MACF1: variants seen among roughly 807,000 people sequenced by gnomAD.
The protein encoded by MACF1 is microtubule actin crosslinking factor 1.
In MACF1, 193 loss-of-function variants were observed where a neutral mutation model predicts 854.8. The ratio of observed to expected loss-of-function variants is 0.23; its 90% confidence interval spans 0.20 to 0.25. The LOEUF (loss-of-function observed/expected upper bound fraction) is 0.25, where lower values mean the gene tolerates loss of function less well. MACF1 is among the 10% of genes least tolerant of loss of function. The pLI, the probability that MACF1 is intolerant of heterozygous loss-of-function variation, is 1.00. For missense variants in MACF1, 7,722 were observed against 8,929.1 expected (o/e 0.86, Z 5.45); for synonymous variants, 3,185 against 3,226.7 (o/e 0.99, Z 0.44).
chr1:39,323,427 T>C (rs1438482260), intron 33 of MACF1, among the ~76,000 whole-genome samples: 1 of 151,206 alleles, frequency 6.6e-6, no homozygotes, highest in Non-Finnish European at 1.5e-5. Flanking sequence ...CAGCAAAATA[T>C]ATGCTATATA....
chr1:39,249,901 C>T, intron 2 of MACF1, 113 bp from the exon 3 acceptor site: 2 of 560,022 alleles, frequency 3.6e-6, no homozygotes, highest in Non-Finnish European at 6.4e-6. Context: ...TTAATTGTTG[C>T]TTCCACTTTT....
At chr1:39,364,983 T>C (rs1222588649) in intron 49 of MACF1, among the ~76,000 whole-genome samples, 1 of 152,240 alleles carries the variant, frequency 6.6e-6, no homozygotes, top group Admixed American at 6.5e-5. Flanking sequence ...TTCTGAAGTA[T>C]GAATCATGTT....
chr1:39,485,390 A>G, intron 100 of MACF1, 148 bp from the exon 101 acceptor site: 1 of 926,174 alleles, frequency 1.1e-6, no homozygotes, highest in Non-Finnish European at 1.6e-6. Context: ...AGGCTTCAGC[A>G]ACTTCTGTAT....
chr1:39,153,776 C>CT (rs1643629252), intron 2 of MACF1, among the ~76,000 whole-genome samples: 1 of 152,160 alleles, frequency 6.6e-6, no homozygotes, highest in African/African-American at 2.4e-5. Context: ...AGCTGTGGCC[C>CT]TGGGGACAGC....
chr1:39,248,611 A>G (rs1014195347), intron 2 of MACF1, among the ~76,000 whole-genome samples: 4 of 152,234 alleles, frequency 2.6e-5, no homozygotes, highest in Admixed American at 2.6e-4. Flanking sequence ...TCAAAATTAT[A>G]GTAACTAAAA....
At chr1:39,269,416 T>C (rs1039493177) in intron 6 of MACF1, 3 of 1,289,814 alleles carry the variant, frequency 2.3e-6, no homozygotes, top group East Asian at 5.6e-5. Flanking sequence ...TCCTGGATTA[T>C]AGAATGTTCT....
At chr1:39,364,048 A>AT (rs1345128935) in intron 49 of MACF1, among the ~76,000 whole-genome samples, 24 of 152,302 alleles carry the variant, frequency 1.6e-4, no homozygotes, top group African/African-American at 5.5e-4. Context: ...GAGTTGTTGC[A>AT]TTAAAGGGTA....
chr1:39,145,396 A>G (rs916981420), intron 2 of MACF1, among the ~76,000 whole-genome samples: 2 of 152,084 alleles, frequency 1.3e-5, no homozygotes, highest in Non-Finnish European at 2.9e-5. Context: ...GGGCATATAC[A>G]TATATATTTT....
Position 39,370,122 on chromosome 1 carries a change from G to T in MACF1, c.13031G>T (p.Ser4344Ile). The change falls in exon 51 of 101, where the codon AGT becomes ATT. Residue 4344 changes from serine to isoleucine, a missense_variant. Ser to Ile is a moderately radical substitution (Grantham distance 142). Transcript: ENST00000564288. ...FQKWLKETEG[S>I]IPPTETSMSA... ...AAATGGTTGAAAGAAACTGAAGGGA[G>T]TATTCCACCTACGGAAACTTCTATG... is the stretch of plus-strand genomic sequence containing the variant. 6.2e-7 allele frequency: 1 copy of T among 1,614,082 alleles called. No individual in the cohort carries two copies. Among genetic ancestry groups the T allele is most frequent in the Non-Finnish European group, 8.5e-7 (1 of 1,179,936 alleles).
rs553166640 is a variant in MACF1 at position 39,341,166 on chromosome 1, T to C, written c.10581+213T>C. 2.8e-3 allele frequency among the ~76,000 whole-genome samples: 417 copies of C among 151,610 alleles called. 1 individual carries two copies. Among genetic ancestry groups the C allele is most frequent in the Non-Finnish European group, 4.4e-3 (299 of 67,896 alleles). ...CTCCTGCCTCAGCCTCCTGAGTAGCTGGGACTATAGGCGCCTACCTCCACG... is the reference window on the plus strand; with the variant it reads ...CTCCTGCCTCAGCCTCCTGAGTAGCCGGGACTATAGGCGCCTACCTCCACG... On this transcript the variant is annotated intron_variant, in intron 40 of 100. Transcript: ENST00000564288.
chr1:39,299,044 A>T (rs1184361411), intron 21 of MACF1, among the ~76,000 whole-genome samples: 1 of 151,328 alleles, frequency 6.6e-6, no homozygotes, highest in African/African-American at 2.4e-5. Context: ...TCTTTTCAGA[A>T]CTTTTACCAC....
At chr1:39,412,037 A>G in intron 58 of MACF1, 4 of 1,613,970 alleles carry the variant, frequency 2.5e-6, no homozygotes, top group Non-Finnish European at 2.5e-6. Context: ...CAGCCAGCTG[A>G]TCTGGATTCA....
chr1:39,225,409 G>C (rs191553477), intron 1 of MACF1, among the ~76,000 whole-genome samples: 2,460 of 151,086 alleles, frequency 0.016, 74 homozygotes, highest in African/African-American at 0.057. Context: ...GTAGAGACAG[G>C]GTTTCACCTT....
chr1:39,142,825 G>A (rs759656262), intron 2 of MACF1, among the ~76,000 whole-genome samples: 1 of 152,168 alleles, frequency 6.6e-6, no homozygotes, highest in Non-Finnish European at 1.5e-5. Flanking sequence ...ACCACCTGGA[G>A]CACCTGGAGC....
At chr1:39,456,550 G>A (rs976350315) in intron 89 of MACF1, among the ~76,000 whole-genome samples, 1 of 152,202 alleles carries the variant, frequency 6.6e-6, no homozygotes, top group Non-Finnish European at 1.5e-5. Context: ...TTGCCAGGAT[G>A]TAACTTCATC....
intron 53 of MACF1, 99 bp from the exon 54 acceptor site, chr1:39,379,104 T>C (rs1649971295): frequency 8.2e-7 from 1 of 1,216,238 alleles, no homozygotes; most frequent in Non-Finnish European, 1.1e-6. Context: ...TCTAATTCAC[T>C]AGAAGGAGTA....
In MACF1 at chr1:39,347,150, C is replaced by A. The variant is rs2761764; in HGVS notation, c.10755C>A (p.Ala3585=). ...TCCAGGACATTTTGGAACAGACTGC[C>A]GCTCAGGTGGATGCCTTGCAGGGCC... ...RSFQDILEQT[A]AQVDALQGHL... Residue 3585 remains alanine (A), a synonymous_variant, in exon 41 of 101, where the codon GCC becomes GCA. Transcript: ENST00000564288. The A allele has an allele frequency of 0.99, 1,597,169 of 1,614,146 alleles. 790,610 individuals are homozygous for A. Among genetic ancestry groups the A allele is most frequent in the Non-Finnish European group, 1 (1,176,037 of 1,180,046 alleles).
At chr1:39,392,862 C>A (rs2148577757) in intron 58 of MACF1, among the ~76,000 whole-genome samples, 1 of 152,236 alleles carries the variant, frequency 6.6e-6, no homozygotes, top group Non-Finnish European at 1.5e-5. Flanking sequence ...GAAGAGAGTT[C>A]CTTTCCACTC....
At chr1:39,324,818 A>G in intron 35 of MACF1, 84 bp downstream of exon 35, 1 of 1,071,290 alleles carries the variant, frequency 9.3e-7, no homozygotes, top group Non-Finnish European at 1.4e-6. Flanking sequence ...AGATTTCAGA[A>G]TGGAGAATTC....
Sources: gnomAD v4.1 joint callset for allele counts (sites outside exome capture counted in the v4.1 genomes callset) on GRCh38, gnomAD v4.1.1 for gene constraint, MANE v1.5 for transcripts, NCBI Gene and HGNC (gene_info 2026-07-23, HGNC 2026-07-21) for gene names.